Variants in KSR2 observed in about 807,000 individuals in gnomAD.
The protein encoded by KSR2 is kinase suppressor of ras 2.
Under a neutral mutation model 107.8 loss-of-function variants are expected in KSR2, and 25 were observed. That is an observed-to-expected ratio of 0.23 (90% CI 0.17 to 0.32). The LOEUF is 0.32. KSR2 is among the 10% of genes least tolerant of loss of function. The pLI is 1.00. For synonymous variants in KSR2, 480 were observed against 507.0 expected (o/e 0.95, Z 0.71); for missense variants, 887 against 1,268.9 (o/e 0.70, Z 4.57).
intron 14 of KSR2, among the ~76,000 whole-genome samples, chr12:117,524,602 G>T (rs1184126026): frequency 6.6e-6 from 1 of 152,180 alleles, no homozygotes; most frequent in Non-Finnish European, 1.5e-5. Flanking sequence ...AGGAGTTCAA[G>T]GCTGCTGTGA....
At position 117,498,159 on chromosome 12, in the gene KSR2, CTT is replaced by C. The variant is rs371268122; in HGVS notation, c.2220-12470_2220-12469del. On this transcript the variant is annotated intron_variant, in intron 14 of 19. Coordinates refer to ENST00000339824, the MANE Select transcript of KSR2 (RefSeq NM_173598.6). ...GAGTTCAGGACTCAAACCTTCACCT[CTT>C]TTCAGGATTTCATAAGCTCGCCAGG... Among the ~76,000 whole-genome samples the C allele has an allele frequency of 5.6e-3, 849 of 152,264 alleles. 3 individuals carry two copies. Among genetic ancestry groups the C allele is most frequent in the African/African-American group, 6.5e-3 (271 of 41,544 alleles).
rs560098429 is a variant in KSR2, at chr12:117,513,324, A to C, written c.2219+11528T>G. 3.3e-4 allele frequency among the ~76,000 whole-genome samples: 51 copies of C among 152,258 alleles called. 1 individual carries two copies. The highest frequency in any genetic ancestry group is 1.2e-3 in the African/African-American group (48 of 41,548). Reference sequence around the variant, plus strand: ...GGAGTCAATATCTATTTATTATTTGATTTATGGACCTAATTATCTTAAACA... The same window carrying C: ...GGAGTCAATATCTATTTATTATTTGCTTTATGGACCTAATTATCTTAAACA... On this transcript the variant is annotated intron_variant, in intron 14 of 19. Transcript: ENST00000339824.
chr12:117,584,842 G>A (rs1239671293), intron 5 of KSR2, among the ~76,000 whole-genome samples: 2 of 152,210 alleles, frequency 1.3e-5, no homozygotes, highest in Non-Finnish European at 2.9e-5. Context: ...TATTCCCGTT[G>A]TGCAAAGGAA....
intron 3 of KSR2, among the ~76,000 whole-genome samples, chr12:117,808,615 G>A (rs1772480063): frequency 6.6e-6 from 1 of 152,130 alleles, no homozygotes; most frequent in Admixed American, 6.6e-5. Context: ...TTACTTCCAT[G>A]ATCACTAAGA....
intron 5 of KSR2, among the ~76,000 whole-genome samples, chr12:117,601,489 C>T (rs938584491): frequency 2.6e-5 from 4 of 151,744 alleles, no homozygotes; most frequent in Non-Finnish European, 5.9e-5. Flanking sequence ...GACACAGAGA[C>T]CCACACAGAG....
intron 4 of KSR2, among the ~76,000 whole-genome samples, chr12:117,711,711 A>G (rs1300297396): frequency 1.2e-4 from 19 of 152,208 alleles, no homozygotes. Flanking sequence ...TTGATTTCTC[A>G]TGGAAGGATC....
At chr12:117,513,717 C>T (rs915234569) in intron 14 of KSR2, among the ~76,000 whole-genome samples, 2 of 152,154 alleles carry the variant, frequency 1.3e-5, no homozygotes, top group African/African-American at 2.4e-5. Flanking sequence ...TGGACTCAGG[C>T]ACGGCTAGAA....
intron 1 of KSR2, among the ~76,000 whole-genome samples, chr12:117,868,704 C>T (rs1288564695): frequency 6.6e-6 from 1 of 151,896 alleles, no homozygotes. Context: ...AAAGGATAAC[C>T]TCATTTTAAT....
intron 17 of KSR2, 91 bp from the exon 18 acceptor site, chr12:117,471,411 C>A (rs1871451748): frequency 1.7e-5 from 23 of 1,386,840 alleles, no homozygotes; most frequent in Non-Finnish European, 2.2e-5. Flanking sequence ...CCCAGCCAGT[C>A]TCCTGGCACC....
At chr12:117,783,994 T>C (rs1889973607) in intron 3 of KSR2, among the ~76,000 whole-genome samples, 1 of 152,190 alleles carries the variant, frequency 6.6e-6, no homozygotes, top group African/African-American at 2.4e-5. Context: ...GAGGCCAATG[T>C]TATGTGAATA....
intron 4 of KSR2, among the ~76,000 whole-genome samples, chr12:117,690,432 G>A (rs1226464342): frequency 6.6e-6 from 1 of 152,120 alleles, no homozygotes; most frequent in Admixed American, 6.5e-5. Flanking sequence ...AGGCGTGGTG[G>A]TGTGTGTCTG....
Position 117,459,150 on chromosome 12 carries a change from C to CT in KSR2, c.*8048dup, listed in dbSNP as rs539991256. The CT allele has an allele frequency of 9.0e-4, 137 of 152,332 alleles. No homozygotes were observed. Among genetic ancestry groups the CT allele is most frequent in the African/African-American group, 3.3e-3 (136 of 41,568 alleles). 9.4% of individuals were successfully genotyped at this position (152,332 alleles called of 1,614,324 possible). A position where few individuals can be genotyped will look rare whatever the true frequency, so the allele number is the denominator to read the frequency against. On this transcript the variant is annotated 3_prime_UTR_variant, in exon 20 of 20. Coordinates refer to ENST00000339824, the MANE Select transcript of KSR2 (RefSeq NM_173598.6). ...ATACACAGAGTCTTAGAGACAGAAT[C>CT]TTTCTTTCTGCATTTTCCAAGTTCC...
intron 1 of KSR2, among the ~76,000 whole-genome samples, chr12:117,965,654 G>A (rs1199788293): frequency 6.6e-6 from 1 of 152,172 alleles, no homozygotes; most frequent in African/African-American, 2.4e-5. Context: ...TTAAAGAGCT[G>A]AAATATCACA....
chr12:117,958,780 C>T (rs1440084682), intron 1 of KSR2, among the ~76,000 whole-genome samples: 1 of 152,166 alleles, frequency 6.6e-6, no homozygotes, highest in Non-Finnish European at 1.5e-5. Flanking sequence ...GAGATCACGC[C>T]ACTGCGCTCC....
At chr12:117,595,220 T>C (rs771908788) in intron 5 of KSR2, among the ~76,000 whole-genome samples, 11 of 152,194 alleles carry the variant, frequency 7.2e-5, no homozygotes, top group South Asian at 2.1e-4. Context: ...CTTTTCACTA[T>C]TGGGTCTCCT....
rs1395174415 is a variant in KSR2 at position 117,882,705 on chromosome 12, G to GCATC, written c.181-22278_181-22275dup. On this transcript the variant is annotated intron_variant, in intron 1 of 19. Transcript: ENST00000339824. ...TCCATCCATCCAACCATCCATGCAA[G>GCATC]CATCCATCCATCCATCCAACCACCC... 8.1e-4 allele frequency among the ~76,000 whole-genome samples: 107 copies of GCATC among 132,600 alleles called. 2 individuals are homozygous for GCATC. Among genetic ancestry groups the GCATC allele is most frequent in the African/African-American group, 2.6e-3 (89 of 34,854 alleles). The allele number at this position is 132,600 out of a possible 152,430, so 87.0% of individuals were successfully genotyped here. A position where few individuals can be genotyped will look rare whatever the true frequency, so the allele number is the denominator to read the frequency against.
At chr12:117,826,510 GA>G (rs1891758144) in intron 3 of KSR2, among the ~76,000 whole-genome samples, 1 of 151,662 alleles carries the variant, frequency 6.6e-6, no homozygotes, top group South Asian at 2.1e-4. Flanking sequence ...ACACTAATAG[GA>G]GAACAAACAA....
At chr12:117,595,585 G>A (rs1472794258) in intron 5 of KSR2, among the ~76,000 whole-genome samples, 3 of 151,562 alleles carry the variant, frequency 2.0e-5, no homozygotes, top group Admixed American at 6.6e-5. Context: ...GGATGGTCTC[G>A]ATCTCCTGAC....
chr12:117,932,303 T>C (rs1371428069), intron 1 of KSR2, among the ~76,000 whole-genome samples: 1 of 151,916 alleles, frequency 6.6e-6, no homozygotes, highest in African/African-American at 2.4e-5. Flanking sequence ...ATTTAATTAA[T>C]TAATTAAACC....
Sources: allele counts gnomAD v4.1 joint callset (sites outside exome capture counted in the v4.1 genomes callset), GRCh38; gene constraint gnomAD v4.1.1; transcripts MANE v1.5; gene names NCBI Gene and HGNC (gene_info 2026-07-23, HGNC 2026-07-21).